COX6C: variants seen among roughly 807,000 people sequenced by gnomAD.
COX6C encodes cytochrome c oxidase subunit 6C.
Under a neutral mutation model 6.9 loss-of-function variants are expected in COX6C, and 3 were observed. The ratio of observed to expected loss-of-function variants is 0.43; its 90% CI spans 0.20 to 1.12. The LOEUF is 1.12. Ranked by LOEUF, COX6C falls within the 50% of genes most tolerant of loss-of-function variation. The pLI, the probability that COX6C is intolerant of heterozygous loss-of-function variation, is 0.27. For missense variants in COX6C, 101 were observed against 97.3 expected (o/e 1.04, Z -0.16); for synonymous variants, 32 against 32.0 (o/e 1.00, Z 0.00).
At chr8:99,890,050 C>T (rs1210742480) in intron 2 of COX6C, among the ~76,000 whole-genome samples, 2 of 151,570 alleles carry the variant, frequency 1.3e-5, no homozygotes, top group East Asian at 1.9e-4. Context: ...GCTGAGTTCA[C>T]GCCACTGCAC....
chr8:99,892,110 G>C (rs777157071), intron 1 of COX6C, 58 bp from the exon 2 acceptor site: 1 of 940,828 alleles, frequency 1.1e-6, no homozygotes, highest in African/African-American at 1.7e-5. Context: ...ACAAACTTGA[G>C]AATGGCCACC....
chr8:99,887,529 A>T lies in COX6C; in HGVS notation c.204T>A (p.Ala68=). The change falls in exon 3 of 4, where the codon GCT becomes GCA. Residue 68 remains alanine (A), a synonymous_variant. Coordinates refer to ENST00000520468, the MANE Select transcript of COX6C (RefSeq NM_004374.4). Reference sequence around the variant, plus strand: ...ATTACTTTACACTCTGAAAGATACCAGCCTTCCTCATCTCCTCAAAATCTT... The same window carrying T: ...ATTACTTTACACTCTGAAAGATACCTGCCTTCCTCATCTCCTCAAAATCTT... ...VMKDFEEMRK[A]GIFQSVK 6.2e-7 allele frequency: 1 copy of T among 1,605,868 alleles called. No homozygotes were observed. Among genetic ancestry groups the T allele is most frequent in the Non-Finnish European group, 8.5e-7 (1 of 1,176,732 alleles).
chr8:99,886,044 C>A (rs1817938599), intron 3 of COX6C: 1 of 152,142 alleles, frequency 6.6e-6, no homozygotes, highest in Admixed American at 6.5e-5. Flanking sequence ...AAATGCAAAT[C>A]AAAACCACAA....
At chr8:99,882,358 G>A (rs1446083279) in intron 3 of COX6C, among the ~76,000 whole-genome samples, 1 of 152,102 alleles carries the variant, frequency 6.6e-6, no homozygotes, top group Non-Finnish European at 1.5e-5. Flanking sequence ...TTAAAAGACT[G>A]GAAATCATAC....
chr8:99,888,122 TA>T lies in COX6C; in HGVS notation c.115-505del, dbSNP rs1173548093. ...ATAAAAAATAAAAAAAAATAAAAAATAAAAAAAAAATAAAAAATAAAAAAGA... is the reference window on the plus strand; with the variant it reads ...ATAAAAAATAAAAAAAAATAAAAAATAAAAAAAAATAAAAAATAAAAAAGA... On this transcript the variant is annotated intron_variant, in intron 2 of 3. Coordinates refer to ENST00000520468, the MANE Select transcript of COX6C (RefSeq NM_004374.4). 4.7e-3 allele frequency among the ~76,000 whole-genome samples: 691 copies of T among 145,630 alleles called. 6 individuals carry two copies. The highest frequency in any genetic ancestry group is 0.016 in the African/African-American group (625 of 40,112).
At chr8:99,881,550 A>G (rs987305639) in intron 3 of COX6C, among the ~76,000 whole-genome samples, 4 of 152,190 alleles carry the variant, frequency 2.6e-5, no homozygotes, top group Non-Finnish European at 4.4e-5. Flanking sequence ...TTTATATGCA[A>G]TTGAGGTTGT....
intron 2 of COX6C, among the ~76,000 whole-genome samples, chr8:99,891,254 T>C (rs1818028014): frequency 6.6e-6 from 1 of 152,186 alleles, no homozygotes; most frequent in Non-Finnish European, 1.5e-5. Flanking sequence ...TGATGTTCTT[T>C]TAAGAAATTC....
At chr8:99,881,794 A>G (rs1817869514) in intron 3 of COX6C, among the ~76,000 whole-genome samples, 1 of 152,252 alleles carries the variant, frequency 6.6e-6, no homozygotes, top group African/African-American at 2.4e-5. Flanking sequence ...TCCCCAACCA[A>G]AAGACAATGA....
At chr8:99,892,590 A>G (rs1818071819) in intron 1 of COX6C, among the ~76,000 whole-genome samples, 1 of 152,112 alleles carries the variant, frequency 6.6e-6, no homozygotes, top group Non-Finnish European at 1.5e-5. Context: ...TGCATAGTAC[A>G]TTTTACTACC....
At chr8:99,891,874 A>G in intron 2 of COX6C, 34 bp downstream of exon 2, 1 of 1,580,278 alleles carries the variant, frequency 6.3e-7, no homozygotes, top group Non-Finnish European at 8.7e-7. Flanking sequence ...CACATACTTT[A>G]TGACCTTCGG....
intron 3 of COX6C, chr8:99,887,038 T>C (rs1385341993): frequency 6.6e-6 from 1 of 152,308 alleles, no homozygotes; most frequent in Admixed American, 6.5e-5. Flanking sequence ...AAAACCATCA[T>C]AAGTTTAAAA....
intron 2 of COX6C, among the ~76,000 whole-genome samples, chr8:99,888,199 A>G (rs1163595017): frequency 6.6e-6 from 1 of 152,206 alleles, no homozygotes; most frequent in South Asian, 2.1e-4. Context: ...TTGATGGAGT[A>G]ACGCAGTAAG....
chr8:99,878,945 A>G (rs1817802639), intron 3 of COX6C, among the ~76,000 whole-genome samples: 3 of 152,322 alleles, frequency 2.0e-5, no homozygotes, highest in Middle Eastern at 6.8e-3. Context: ...TATTCTCAAC[A>G]TATGATAAGG....
intron 3 of COX6C, among the ~76,000 whole-genome samples, chr8:99,883,417 G>T (rs1458407842): frequency 1.3e-5 from 2 of 149,738 alleles, no homozygotes; most frequent in Non-Finnish European, 3.0e-5. Context: ...ATATATGTGT[G>T]TGTGTGTATA....
intron 3 of COX6C, among the ~76,000 whole-genome samples, chr8:99,881,892 G>A (rs1028614607): frequency 1.3e-5 from 2 of 152,128 alleles, no homozygotes; most frequent in African/African-American, 4.8e-5. Flanking sequence ...GAAAGTGAAC[G>A]GGTAGAAAAA....
intron 3 of COX6C, among the ~76,000 whole-genome samples, chr8:99,881,269 A>G (rs1309787051): frequency 6.6e-6 from 1 of 152,074 alleles, no homozygotes; most frequent in Non-Finnish European, 1.5e-5. Flanking sequence ...CTGAGGCATG[A>G]GAATTGCTTG....
At chr8:99,887,338 CA>C (rs757570659) in intron 3 of COX6C, 151 bp downstream of exon 3, 13 of 482,324 alleles carry the variant, frequency 2.7e-5, no homozygotes, top group Non-Finnish European at 4.4e-5. Flanking sequence ...GATCAAAATT[CA>C]AAGTATGGTT....
intron 3 of COX6C, 122 bp downstream of exon 3, chr8:99,887,368 C>A: frequency 1.9e-6 from 1 of 519,432 alleles, no homozygotes; most frequent in Non-Finnish European, 3.3e-6. Flanking sequence ...ATGTGTATCA[C>A]TTCCACACCA....
At chr8:99,888,966 C>G (rs35935983) in intron 2 of COX6C, among the ~76,000 whole-genome samples, 25,487 of 152,144 alleles carry the variant, frequency 0.17, 2,338 homozygotes, top group African/African-American at 0.25. Flanking sequence ...TTAGCAGGAC[C>G]CCCTCTTGCT....
Sources: gnomAD v4.1 joint callset for allele counts (sites outside exome capture counted in the v4.1 genomes callset) on GRCh38, gnomAD v4.1.1 for gene constraint, MANE v1.5 for transcripts, NCBI Gene and HGNC (gene_info 2026-07-23, HGNC 2026-07-21) for gene names.